ZNF506: variants seen among roughly 807,000 people sequenced by gnomAD.
ZNF506 encodes the protein zinc finger protein 506.
A neutral mutation model predicts 11.6 loss-of-function variants in ZNF506; 10 were observed. The ratio of observed to expected loss-of-function variants is 0.86; its 90% CI spans 0.53 to 1.46. ZNF506 has a LOEUF of 1.46. Among genes scored for constraint, ZNF506 ranks in the 40% most tolerant of loss-of-function variants. ZNF506 has a pLI of 0.00. For synonymous variants in ZNF506, 156 were observed against 173.3 expected (o/e 0.90, Z 0.78); for missense variants, 425 against 521.2 (o/e 0.82, Z 1.80).
At chr19:19,803,040 G>A (rs1568475500) in intron 3 of ZNF506, among the ~76,000 whole-genome samples, 1 of 152,146 alleles carries the variant, frequency 6.6e-6, no homozygotes, top group Non-Finnish European at 1.5e-5. Flanking sequence ...ATCCAGGGAG[G>A]GAGTTGTGAA....
At position 19,794,162 on chromosome 19, in the gene ZNF506, T is replaced by A. The variant is rs533948891; in HGVS notation, c.*390A>T. 2 of 165,912 alleles carry A rather than the reference T, an allele frequency of 1.2e-5. No homozygotes were observed. The highest frequency in any genetic ancestry group is 4.8e-5 in the African/African-American group (2 of 41,612). The allele number at this position is 165,912 out of a possible 1,614,324, so 10.3% of individuals were successfully genotyped here. On this transcript the variant is annotated 3_prime_UTR_variant, in exon 4 of 4. Coordinates refer to ENST00000540806, the MANE Select transcript of ZNF506 (RefSeq NM_001099269.3). ...CCATCTCTACTAAAAATACAAAAAT[T>A]AGCTGGGCATGGTGGTGGGCACCAG...
intron 1 of ZNF506, among the ~76,000 whole-genome samples, chr19:19,817,387 T>A (rs775729284): frequency 6.6e-6 from 1 of 152,162 alleles, no homozygotes; most frequent in Non-Finnish European, 1.5e-5. Context: ...TAGTTGGTAT[T>A]TCCTCTCGTT....
At chr19:19,800,529 G>A (rs2062783537) in intron 3 of ZNF506, among the ~76,000 whole-genome samples, 1 of 151,024 alleles carries the variant, frequency 6.6e-6, no homozygotes, top group Non-Finnish European at 1.5e-5. Flanking sequence ...CAATTCCCCT[G>A]CGTCACCCTC....
Position 19,821,738 on chromosome 19 carries a change from A to G in ZNF506, c.-135T>C. Reference sequence around the variant, plus strand: ...AGACGATAGCTGGATCTCTGGCGTCAGCGAGAGACAATGGGCCCGCCAAAG... The same window carrying G: ...AGACGATAGCTGGATCTCTGGCGTCGGCGAGAGACAATGGGCCCGCCAAAG... On this transcript the variant is annotated 5_prime_UTR_variant, in exon 1 of 4. Transcript: ENST00000540806. 8.4e-7 allele frequency: 1 copy of G among 1,189,648 alleles called. No individual in the cohort carries two copies. Among genetic ancestry groups the G allele is most frequent in the Non-Finnish European group, 1.2e-6 (1 of 808,836 alleles). 73.7% of individuals were successfully genotyped at this position (1,189,648 alleles called of 1,614,324 possible). A position where few individuals can be genotyped will look rare whatever the true frequency, so the allele number is the denominator to read the frequency against.
intron 1 of ZNF506, among the ~76,000 whole-genome samples, chr19:19,819,120 G>A (rs373041057): frequency 3.9e-5 from 6 of 152,212 alleles, no homozygotes; most frequent in African/African-American, 1.4e-4. Flanking sequence ...GAGACACCGC[G>A]CCATGCCCCA....
chr19:19,800,707 G>A (rs946008653), intron 3 of ZNF506, among the ~76,000 whole-genome samples: 2 of 151,538 alleles, frequency 1.3e-5, no homozygotes, highest in South Asian at 2.1e-4. Context: ...GAGCCACTGC[G>A]CCTGGCCTAG....
chr19:19,810,933 G>A (rs1399035442), intron 1 of ZNF506, among the ~76,000 whole-genome samples: 4 of 150,524 alleles, frequency 2.7e-5, no homozygotes, highest in Non-Finnish European at 5.9e-5. Flanking sequence ...GAACTAAATA[G>A]TCTCCAAAAA....
rs755660266 is a variant in ZNF506 at position 19,806,029 on chromosome 19, A to G, written c.226+2T>C. 1.2e-6 allele frequency: 2 copies of G among 1,604,804 alleles called. No individual in the cohort carries two copies. Among genetic ancestry groups the G allele is most frequent in the Admixed American group, 3.5e-5 (2 of 57,920 alleles). On this transcript the variant is annotated splice_donor_variant, in intron 3 of 3. Coordinates refer to ENST00000540806, the MANE Select transcript of ZNF506 (RefSeq NM_001099269.3). LOFTEE classifies it high-confidence loss of function. The stretch of plus-strand genomic sequence containing the variant: ...GTCCTATTCATTTTCACTCGCACCT[A>G]CCTGGGGGTTTGGCAATCATCTCAT...
intron 1 of ZNF506, among the ~76,000 whole-genome samples, chr19:19,808,299 A>T (rs2062853055): frequency 6.7e-6 from 1 of 149,214 alleles, no homozygotes. Flanking sequence ...AATTTTTTAT[A>T]TTTTTAGTAG....
In ZNF506 at chr19:19,816,319, G is replaced by A. The variant is rs544756832; in HGVS notation, c.3+5282C>T. Among the ~76,000 whole-genome samples the A allele has an allele frequency of 5.3e-5, 8 of 151,690 alleles. No individual in the cohort carries two copies. In the South Asian group the frequency reaches 1.7e-3, roughly 32 times the overall value. On this transcript the variant is annotated intron_variant, in intron 1 of 3. Transcript: ENST00000540806. ...CTCCCTCAGCTTCCCGAGTCGCTGG[G>A]ATTACAGGTGCCCACCACCACACCC...
In ZNF506 at chr19:19,794,760, T is replaced by C; in HGVS notation, c.1127A>G (p.Lys376Arg). ...EKPYKCEECG[K>R]AFTAFSTLTE... ...TAGAGTTGAGAATGCAGTAAAGGCTTTGCCACATTCTTCACACTTGTAGGG... is the reference window on the plus strand; with the variant it reads ...TAGAGTTGAGAATGCAGTAAAGGCTCTGCCACATTCTTCACACTTGTAGGG... The change falls in exon 4 of 4, where the codon AAA becomes AGA. Residue 376 changes from lysine (K) to arginine (R), a missense_variant. Physicochemically the swap from Lys to Arg is conservative, Grantham distance 26. This residue lies in a region of ZNF506 where 192 missense variants were observed against 215.7 expected (regional missense o/e 0.89). Coordinates refer to ENST00000540806, the MANE Select transcript of ZNF506 (RefSeq NM_001099269.3). 1 of 1,613,990 alleles carries C rather than the reference T, an allele frequency of 6.2e-7. No individual in the cohort carries two copies.
intron 1 of ZNF506, 33 bp downstream of exon 1, chr19:19,821,568 C>T: frequency 1.2e-6 from 2 of 1,614,006 alleles, no homozygotes; most frequent in Non-Finnish European, 1.7e-6. Flanking sequence ...CAGCCCCTCT[C>T]CCTCTCTCGG....
chr19:19,815,331 G>A (rs190720826), intron 1 of ZNF506, among the ~76,000 whole-genome samples: 53 of 152,218 alleles, frequency 3.5e-4, no homozygotes, highest in Admixed American at 1.1e-3. Flanking sequence ...GCCGAGTCCC[G>A]GGAGGAGTGT....
chr19:19,814,187 T>C (rs2062908604), intron 1 of ZNF506, among the ~76,000 whole-genome samples: 1 of 151,618 alleles, frequency 6.6e-6, no homozygotes, highest in Non-Finnish European at 1.5e-5. Context: ...GGGGGGTGGA[T>C]CACATGAGGT....
At chr19:19,814,113 A>G (rs1449881204) in intron 1 of ZNF506, among the ~76,000 whole-genome samples, 1 of 152,110 alleles carries the variant, frequency 6.6e-6, no homozygotes, top group African/African-American at 2.4e-5. Context: ...TTATTCTTAG[A>G]AAACAAATGC....
chr19:19,821,304 T>C (rs2062965552), intron 1 of ZNF506, among the ~76,000 whole-genome samples: 1 of 152,054 alleles, frequency 6.6e-6, no homozygotes. Flanking sequence ...CTGACGACCT[T>C]CCCGTGGCCC....
At chr19:19,804,244 A>G (rs1568476196) in intron 3 of ZNF506, among the ~76,000 whole-genome samples, 2 of 152,154 alleles carry the variant, frequency 1.3e-5, no homozygotes, top group Admixed American at 6.5e-5. Flanking sequence ...TACAAGAAAA[A>G]AAACAACCCC....
intron 1 of ZNF506, among the ~76,000 whole-genome samples, chr19:19,808,107 A>ATTTTTTT (rs2062849835): frequency 1.8e-5 from 1 of 55,144 alleles, no homozygotes; most frequent in Admixed American, 1.7e-4. Context: ...ATCATTAACC[A>ATTTTTTT]CTTTTTTTTT....
chr19:19,806,793 C>G, intron 2 of ZNF506, 149 bp downstream of exon 2: 1 of 1,009,168 alleles, frequency 9.9e-7, no homozygotes, highest in Non-Finnish European at 1.4e-6. Context: ...AAATTCTTTT[C>G]TAAATGAAAA....
Sources: gnomAD v4.1 joint callset for allele counts (sites outside exome capture counted in the v4.1 genomes callset) on GRCh38, gnomAD v4.1.1 for gene constraint, gnomAD v4.1.1 regional missense constraint, MANE v1.5 for transcripts, NCBI Gene and HGNC (gene_info 2026-07-23, HGNC 2026-07-21) for gene names.